Variants in MACROD2 observed in about 807,000 individuals in gnomAD.
MACROD2 encodes the protein mono-ADP ribosylhydrolase 2, also known as ADP-ribose glycohydrolase MACROD2.
A neutral mutation model predicts 70.4 loss-of-function variants in MACROD2; 36 were observed. That is an observed-to-expected ratio of 0.51 (90% CI 0.39 to 0.68). The LOEUF (loss-of-function observed/expected upper bound fraction) is 0.68, where lower values mean the gene tolerates loss of function less well. Among genes scored for constraint, MACROD2 ranks in the 30% least tolerant of loss-of-function variants. The pLI is 0.00. For missense variants in MACROD2, 496 were observed against 538.4 expected (o/e 0.92, Z 0.78); for synonymous variants, 172 against 178.8 (o/e 0.96, Z 0.30).
At chr20:14,891,508 T>A (rs1600776879) in intron 5 of MACROD2, among the ~76,000 whole-genome samples, 1 of 152,326 alleles carries the variant, frequency 6.6e-6, no homozygotes, top group East Asian at 1.9e-4. Context: ...CCAGACCTTC[T>A]ATTTTTAATA....
At chr20:14,407,802 G>A (rs1255336259) in intron 3 of MACROD2, among the ~76,000 whole-genome samples, 2 of 152,092 alleles carry the variant, frequency 1.3e-5, no homozygotes, top group Admixed American at 1.3e-4. Context: ...CACTTAGGCA[G>A]GTCAAATAAT....
intron 3 of MACROD2, among the ~76,000 whole-genome samples, chr20:14,422,451 A>G (rs2083885449): frequency 6.6e-6 from 1 of 151,918 alleles, no homozygotes; most frequent in Non-Finnish European, 1.5e-5. Context: ...GCCATTTGTT[A>G]TTTGTTTTCT....
At chr20:14,330,224 A>G (rs1018132678) in intron 3 of MACROD2, among the ~76,000 whole-genome samples, 1 of 151,998 alleles carries the variant, frequency 6.6e-6, no homozygotes, top group Non-Finnish European at 1.5e-5. Flanking sequence ...GACTAAAGAG[A>G]TCATTGAATT....
intron 6 of MACROD2, among the ~76,000 whole-genome samples, chr20:15,234,047 T>TTTTTTTTTTTTTTTTTTTG (rs2076990511): frequency 1.4e-5 from 1 of 73,232 alleles, no homozygotes; most frequent in Non-Finnish European, 2.6e-5. Context: ...TTTTTTTTTT[T>TTTTTTTTTTTTTTTTTTTG]TTGAGACGGA....
chr20:15,235,187 CAT>C (rs1309213151), intron 6 of MACROD2, among the ~76,000 whole-genome samples: 1 of 152,072 alleles, frequency 6.6e-6, no homozygotes, highest in Non-Finnish European at 1.5e-5. Context: ...TTGAAAAAAA[CAT>C]AATCTGCATA....
At chr20:15,329,184 C>G (rs1200566276) in intron 6 of MACROD2, among the ~76,000 whole-genome samples, 2 of 152,090 alleles carry the variant, frequency 1.3e-5, no homozygotes, top group Non-Finnish European at 2.9e-5. Context: ...TTCCATCCAC[C>G]ATTTTCAAAT....
At chr20:14,311,460 C>T (rs1601461723) in intron 3 of MACROD2, among the ~76,000 whole-genome samples, 1 of 152,190 alleles carries the variant, frequency 6.6e-6, no homozygotes, top group East Asian at 1.9e-4. Context: ...ATGAAATGGC[C>T]TAGCAATGCA....
Position 15,121,877 on chromosome 20 carries a change from G to T in MACROD2, c.419-108063G>T, listed in dbSNP as rs191182238. On this transcript the variant is annotated intron_variant, in intron 5 of 17. Coordinates refer to ENST00000684519, the MANE Select transcript of MACROD2 (RefSeq NM_001351661.2). ...AAGATGATTTATGATACTTAGGTTA[G>T]GATGTTGCTACATCAGGTTAAATGC... Among the ~76,000 whole-genome samples, 442 of 152,180 alleles carry T rather than the reference G, an allele frequency of 2.9e-3. 14 individuals carry two copies. Among genetic ancestry groups the T allele is most frequent in the Admixed American group, 0.024 (369 of 15,278 alleles).
chr20:15,151,067 C>T (rs893383267), intron 5 of MACROD2, among the ~76,000 whole-genome samples: 8 of 151,932 alleles, frequency 5.3e-5, no homozygotes, highest in South Asian at 2.1e-4. Context: ...ACAGGGCTTC[C>T]GAGGCGATCA....
At chr20:15,995,649 C>CTTGTTTTTTTT (rs2066618954) in intron 15 of MACROD2, among the ~76,000 whole-genome samples, 1 of 85,508 alleles carries the variant, frequency 1.2e-5, no homozygotes, top group Non-Finnish European at 2.3e-5. Context: ...TATGCCCGGC[C>CTTGTTTTTTTT]TTTTTTTTTT....
chr20:15,116,095 T>C (rs914172775), intron 5 of MACROD2, among the ~76,000 whole-genome samples: 1 of 152,252 alleles, frequency 6.6e-6, no homozygotes, highest in African/African-American at 2.4e-5. Context: ...CTTTCCTTCC[T>C]GGTAAAAGCC....
Position 14,771,409 on chromosome 20 carries a change from A to G in MACROD2, c.418+86450A>G, listed in dbSNP as rs546268902. ...CTTCAAACACCATATTATAATTATA[A>G]CTATAAAGTAGGTAATATATTTTTA... On this transcript the variant is annotated intron_variant, in intron 5 of 17. Coordinates refer to ENST00000684519, the MANE Select transcript of MACROD2 (RefSeq NM_001351661.2). 3.3e-5 allele frequency among the ~76,000 whole-genome samples: 5 copies of G among 152,140 alleles called. No homozygotes were observed. The East Asian group carries it at 9.6e-4, about 29-fold the overall frequency.
intron 4 of MACROD2, among the ~76,000 whole-genome samples, chr20:14,655,166 G>A (rs558685669): frequency 2.2e-4 from 33 of 152,114 alleles, no homozygotes; most frequent in Non-Finnish European, 3.2e-4. Context: ...TTATTACAAC[G>A]TTTAAAAAGT....
intron 4 of MACROD2, among the ~76,000 whole-genome samples, chr20:14,529,990 G>A (rs996896464): frequency 2.6e-5 from 4 of 152,190 alleles, no homozygotes; most frequent in Non-Finnish European, 5.9e-5. Flanking sequence ...AGGTAGAGGC[G>A]GAGGGGAAGT....
intron 5 of MACROD2, among the ~76,000 whole-genome samples, chr20:15,116,083 T>C (rs958058558): frequency 2.6e-5 from 4 of 152,242 alleles, no homozygotes; most frequent in African/African-American, 9.6e-5. Flanking sequence ...TATACAGACC[T>C]TCTTTCCTTC....
intron 3 of MACROD2, among the ~76,000 whole-genome samples, chr20:14,103,142 C>A (rs1012218143): frequency 6.6e-6 from 1 of 151,890 alleles, no homozygotes; most frequent in African/African-American, 2.4e-5. Flanking sequence ...AACATTAAAT[C>A]CTTCAAGGAA....
chr20:15,532,462 C>G (rs964186468), intron 8 of MACROD2, among the ~76,000 whole-genome samples: 1 of 151,948 alleles, frequency 6.6e-6, no homozygotes, highest in Non-Finnish European at 1.5e-5. Context: ...AGCTACCTAT[C>G]TGAAATGTTG....
rs181724268 is a variant in MACROD2 at position 14,467,324 on chromosome 20, A to G, written c.272-26155A>G. On this transcript the variant is annotated intron_variant, in intron 3 of 17. Transcript: ENST00000684519. ...ATGAGCGAGGTTCCGTGGGCGTAGG[A>G]CCCTCCGAGCCAGTTGCGGGATATA... 4.7e-4 allele frequency among the ~76,000 whole-genome samples: 72 copies of G among 152,078 alleles called. No homozygotes were observed. In the East Asian group the frequency reaches 0.013, roughly 28 times the overall value.
intron 3 of MACROD2, among the ~76,000 whole-genome samples, chr20:14,411,112 T>C (rs2083744342): frequency 6.6e-6 from 1 of 152,176 alleles, no homozygotes; most frequent in African/African-American, 2.4e-5. Context: ...TAGCTGGCAT[T>C]CTTCCCTGGG....
Sources: gnomAD v4.1 joint callset for allele counts (sites outside exome capture counted in the v4.1 genomes callset) on GRCh38, gnomAD v4.1.1 for gene constraint, MANE v1.5 for transcripts, NCBI Gene and HGNC (gene_info 2026-07-23, HGNC 2026-07-21) for gene names.